Variants in NBEA observed in about 807,000 individuals in gnomAD.
The protein encoded by NBEA is lysosomal-trafficking regulator 2.
In NBEA, 44 loss-of-function variants were observed where a neutral mutation model predicts 343.4. The observed-to-expected ratio is 0.13, with a 90% CI of 0.10 to 0.16. NBEA has a LOEUF of 0.16. Among genes scored for constraint, NBEA ranks in the 10% least tolerant of loss-of-function variants. NBEA has a pLI of 1.00. For missense variants in NBEA, 2,555 were observed against 3,631.3 expected (o/e 0.70, Z 7.62); for synonymous variants, 1,175 against 1,238.7 (o/e 0.95, Z 1.08).
chr13:35,574,511 A>G (rs145297296), intron 45 of NBEA, among the ~76,000 whole-genome samples: 1 of 152,194 alleles, frequency 6.6e-6, no homozygotes, highest in African/African-American at 2.4e-5. Flanking sequence ...AGATATGAGG[A>G]GAGGAGTCAA....
Position 35,646,293 on chromosome 13 carries a change from C to T in NBEA, c.7715C>T (p.Thr2572Met), listed in dbSNP as rs200250784. 2.8e-4 allele frequency: 447 copies of T among 1,613,698 alleles called. 1 individual carries two copies. Among genetic ancestry groups the T allele is most frequent in the Admixed American group, 1.0e-4 (6 of 60,000 alleles). ...MEAQIQNFGQ[T>M]PSQLLIEPHP... ...GCACAGATACAGAACTTTGGACAGA[C>T]GCCATCTCAGTTGCTTATTGAGCCA... The change falls in exon 51 of 59, where the codon ACG becomes ATG. Residue 2572 changes from threonine (T) to methionine (M), a missense_variant. By Grantham distance (81) the Thr-to-Met change is moderately conservative (BLOSUM62 -1). This residue lies in a region of NBEA where 87 missense variants were observed against 75.0 expected (regional missense o/e 1.16). Coordinates refer to ENST00000379939, the MANE Select transcript of NBEA (RefSeq NM_001385012.1).
At chr13:35,648,860 T>A (rs1291443178) in intron 51 of NBEA, among the ~76,000 whole-genome samples, 1 of 8,874 alleles carries the variant, frequency 1.1e-4, no homozygotes, top group Non-Finnish European at 2.2e-4. Context: ...GGGCCTGTCA[T>A]GGGGGTGGGG....
chr13:35,067,537 A>G (rs1305412089), intron 8 of NBEA, among the ~76,000 whole-genome samples: 1 of 152,102 alleles, frequency 6.6e-6, no homozygotes, highest in African/African-American at 2.4e-5. Context: ...GGACATCACT[A>G]CAATTTAATT....
intron 38 of NBEA, among the ~76,000 whole-genome samples, chr13:35,361,160 A>T (rs2040785717): frequency 6.6e-6 from 1 of 152,052 alleles, no homozygotes; most frequent in Non-Finnish European, 1.5e-5. Context: ...TCAAAAGATA[A>T]CTTTTTTATC....
intron 1 of NBEA, among the ~76,000 whole-genome samples, chr13:35,029,765 A>G (rs940540795): frequency 2.6e-5 from 4 of 151,682 alleles, no homozygotes; most frequent in Non-Finnish European, 5.9e-5. Context: ...CTCTTAGAAG[A>G]CAACATGTTT....
chr13:35,177,250 T>C (rs1182835270), intron 28 of NBEA, 147 bp downstream of exon 28: 4 of 604,046 alleles, frequency 6.6e-6, no homozygotes, highest in Non-Finnish European at 1.2e-5. Flanking sequence ...TATAAAATGG[T>C]TGAACCTTAG....
chr13:35,159,571 G>T lies in NBEA; in HGVS notation c.3400G>T (p.Asp1134Tyr). The T allele has an allele frequency of 1.2e-6, 2 of 1,612,234 alleles. No homozygotes were observed. Among genetic ancestry groups the T allele is most frequent in the Non-Finnish European group, 1.7e-6 (2 of 1,179,304 alleles). The change falls in exon 22 of 59, where the codon GAT becomes TAT. Residue 1134 changes from aspartate to tyrosine, a missense_variant. By Grantham distance (160) the Asp-to-Tyr change is radical. Coordinates refer to ENST00000379939, the MANE Select transcript of NBEA (RefSeq NM_001385012.1). ...KDNGPLITLA[D>Y]EKEDLPNSST... is the part of the protein sequence containing the mutation. ...TAATGGTCCATTGATAACATTAGCA[G>T]ATGAGAAAGAAGACCTTCCCAATAG...
chr13:35,269,345 G>GA (rs1460351306), intron 34 of NBEA, among the ~76,000 whole-genome samples: 9 of 152,026 alleles, frequency 5.9e-5, no homozygotes, highest in Admixed American at 2.6e-4. Context: ...TGGTATCTAG[G>GA]AAAAAACAAC....
At chr13:35,409,807 A>G (rs1194841806) in intron 38 of NBEA, among the ~76,000 whole-genome samples, 1 of 152,158 alleles carries the variant, frequency 6.6e-6, no homozygotes, top group Non-Finnish European at 1.5e-5. Context: ...ACAAAGTAGT[A>G]GCTCAGTAAA....
chr13:35,579,497 C>T (rs1334239272), intron 45 of NBEA, among the ~76,000 whole-genome samples: 2 of 151,852 alleles, frequency 1.3e-5, no homozygotes, highest in Admixed American at 1.3e-4. Flanking sequence ...TAAATCAAGG[C>T]TAAGATGACA....
intron 8 of NBEA, among the ~76,000 whole-genome samples, chr13:35,064,838 A>T (rs2063591833): frequency 6.6e-6 from 1 of 151,720 alleles, no homozygotes; most frequent in African/African-American, 2.4e-5. Context: ...CCAAGGAGAG[A>T]GTCTCCAGAA....
At chr13:35,300,077 TTTTG>T (rs1293954899) in intron 35 of NBEA, among the ~76,000 whole-genome samples, 2 of 152,200 alleles carry the variant, frequency 1.3e-5, no homozygotes, top group East Asian at 3.8e-4. Context: ...TGTCACAAAG[TTTTG>T]TTTATCTCTC....
chr13:35,110,750 A>G, intron 12 of NBEA, 60 bp from the exon 13 acceptor site: 1 of 1,389,436 alleles, frequency 7.2e-7, no homozygotes, highest in Admixed American at 2.0e-5. Flanking sequence ...GAATGTATAT[A>G]ATATGAGCAC....
intron 49 of NBEA, among the ~76,000 whole-genome samples, chr13:35,640,549 G>A (rs966226843): frequency 6.6e-6 from 1 of 152,148 alleles, no homozygotes; most frequent in South Asian, 2.1e-4. Flanking sequence ...AACTTGTTAA[G>A]TAAGGAAAAA....
chr13:35,055,347 A>G (rs2063216942), intron 6 of NBEA, among the ~76,000 whole-genome samples: 1 of 151,712 alleles, frequency 6.6e-6, no homozygotes, highest in Non-Finnish European at 1.5e-5. Context: ...ACCAGTAACT[A>G]TAAAATGGGC....
chr13:35,619,478 T>A (rs2082883288), intron 48 of NBEA, among the ~76,000 whole-genome samples: 1 of 152,086 alleles, frequency 6.6e-6, no homozygotes, highest in Non-Finnish European at 1.5e-5. Context: ...GCTGTTTATA[T>A]CACATTTTTA....
intron 40 of NBEA, among the ~76,000 whole-genome samples, chr13:35,461,942 C>T (rs890164741): frequency 4.6e-5 from 7 of 152,232 alleles, no homozygotes; most frequent in Admixed American, 3.9e-4. Flanking sequence ...AATAGCTAGT[C>T]CAGTAGAATA....
intron 38 of NBEA, among the ~76,000 whole-genome samples, chr13:35,423,217 C>G (rs1254242004): frequency 1.3e-5 from 2 of 152,132 alleles, no homozygotes; most frequent in East Asian, 3.9e-4. Context: ...ACATGAATTC[C>G]TTGCCCATGC....
chr13:35,463,321 G>A (rs1245883224), intron 40 of NBEA, among the ~76,000 whole-genome samples: 1 of 152,152 alleles, frequency 6.6e-6, no homozygotes, highest in Non-Finnish European at 1.5e-5. Context: ...GGAAAATTGT[G>A]AGTTTAAAAA....
Sources: gnomAD v4.1 joint callset for allele counts (sites outside exome capture counted in the v4.1 genomes callset) on GRCh38, gnomAD v4.1.1 for gene constraint, gnomAD v4.1.1 regional missense constraint, MANE v1.5 for transcripts, NCBI Gene and HGNC (gene_info 2026-07-23, HGNC 2026-07-21) for gene names.